Variants in SGTA observed in about 807,000 individuals in gnomAD.
SGTA encodes small glutamine rich tetratricopeptide repeat co-chaperone alpha, also known as small glutamine-rich tetratricopeptide repeat-containing protein alpha.
In SGTA, 22 loss-of-function variants were observed where a neutral mutation model predicts 44.3. The ratio of observed to expected loss-of-function variants is 0.50; its 90% CI spans 0.36 to 0.71. The LOEUF (loss-of-function observed/expected upper bound fraction) is 0.71, where lower values mean the gene tolerates loss of function less well. Ranked by LOEUF, SGTA falls within the 30% of genes least tolerant of loss-of-function variation. The probability of loss-of-function intolerance (pLI) is 0.00; values close to 1 mark genes in which losing one functional copy is unlikely to be tolerated. For synonymous variants in SGTA, 174 were observed against 177.6 expected (o/e 0.98, Z 0.16); for missense variants, 341 against 435.9 (o/e 0.78, Z 1.94).
chr19:2,767,329 C>T lies in SGTA; in HGVS notation c.208-109G>A, dbSNP rs1032067178. 10 of 884,480 alleles carry T rather than the reference C, an allele frequency of 1.1e-5. No individual in the cohort carries two copies. The highest frequency in any genetic ancestry group is 1.6e-5 in the South Asian group (1 of 63,178). 54.8% of individuals were successfully genotyped at this position (884,480 alleles called of 1,614,324 possible). A position where few individuals can be genotyped will look rare whatever the true frequency, so the allele number is the denominator to read the frequency against. ...GAGGGCCACCAAGTTCCGAAGGACC[C>T]GGGGGCTCTGCAGGGGACTCCTGGC... On this transcript the variant is annotated intron_variant, in intron 3 of 11. Coordinates refer to ENST00000221566, the MANE Select transcript of SGTA (RefSeq NM_003021.4). The surrounding 1 kb of genome is among the most constrained non-coding windows in gnomAD (Gnocchi z 7.3).
At chr19:2,772,831 G>A (rs1219247767) in intron 1 of SGTA, among the ~76,000 whole-genome samples, 2 of 136,012 alleles carry the variant, frequency 1.5e-5, no homozygotes, top group Non-Finnish European at 1.5e-5. Flanking sequence ...ACAGGGCAGG[G>A]ACACCGAGGG....
intron 1 of SGTA, among the ~76,000 whole-genome samples, chr19:2,774,974 G>A (rs894597592): frequency 6.6e-6 from 1 of 152,208 alleles, no homozygotes; most frequent in African/African-American, 2.4e-5. Context: ...GGGGAGGCCA[G>A]GGACGCTGCT....
chr19:2,758,774 C>T (rs1278679614), intron 9 of SGTA, among the ~76,000 whole-genome samples: 1 of 152,114 alleles, frequency 6.6e-6, no homozygotes, highest in Non-Finnish European at 1.5e-5. Context: ...CAGCGTGGTC[C>T]CTCCACACTG....
intron 4 of SGTA, among the ~76,000 whole-genome samples, chr19:2,766,327 C>A (rs1915142293): frequency 6.6e-6 from 1 of 152,216 alleles, no homozygotes; most frequent in African/African-American, 2.4e-5. Context: ...TGGGTCAGAG[C>A]CTCACCCATC....
chr19:2,778,657 C>A (rs1227233449), intron 1 of SGTA, among the ~76,000 whole-genome samples: 2 of 152,116 alleles, frequency 1.3e-5, no homozygotes, highest in Non-Finnish European at 2.9e-5. Context: ...ACTCTGTGTC[C>A]CATGATCATT....
chr19:2,758,868 G>C (rs1205264463), intron 9 of SGTA, among the ~76,000 whole-genome samples: 7 of 152,198 alleles, frequency 4.6e-5, no homozygotes. Flanking sequence ...CGCTCAGTGA[G>C]AGACGCCAGA....
In SGTA at chr19:2,761,417, G is replaced by A. The variant is rs749101316; in HGVS notation, c.699+43C>T. On this transcript the variant is annotated intron_variant, in intron 8 of 11. Coordinates refer to ENST00000221566, the MANE Select transcript of SGTA (RefSeq NM_003021.4). This position sits in a 1 kb window ranked among gnomAD's most constrained non-coding sequence, Gnocchi z 5.7. ...GACACAGCAGATGCGGGCCTGGGGG[G>A]TGGCGCAGACACCATGGACAGGGAG... The A allele has an allele frequency of 4.0e-6, 6 of 1,504,472 alleles. No individual in the cohort carries two copies. Among genetic ancestry groups the A allele is most frequent in the South Asian group, 3.6e-5 (3 of 83,066 alleles). The allele number at this position is 1,504,472 out of a possible 1,614,324, so 93.2% of individuals were successfully genotyped here. A position where few individuals can be genotyped will look rare whatever the true frequency, so the allele number is the denominator to read the frequency against.
Position 2,761,055 on chromosome 19 carries a change from T to C in SGTA, c.699+405A>G, listed in dbSNP as rs1301949166. On this transcript the variant is annotated intron_variant, in intron 8 of 11. Coordinates refer to ENST00000221566, the MANE Select transcript of SGTA (RefSeq NM_003021.4). The surrounding 1 kb of genome is among the most constrained non-coding windows in gnomAD (Gnocchi z 5.7). ...CGGCGCACCCGGCGCTCTGCTTCCC[T>C]TGCCTGAACCTTAGGAGGCAGACGC... is the stretch of plus-strand genomic sequence containing the variant. Among the ~76,000 whole-genome samples, 7 of 152,208 alleles carry C rather than the reference T, an allele frequency of 4.6e-5. No individual in the cohort carries two copies. The highest frequency in any genetic ancestry group is 1.0e-4 in the Non-Finnish European group (7 of 68,026).
chr19:2,765,344 GGA>G lies in SGTA; in HGVS notation c.293-61_293-60del, dbSNP rs1370553099. Reference sequence around the variant, plus strand: ...CCACACAGACCGGAGGGGGTGTCAGGGAGAGAGGAAAACACCGGCCTGGTGTC... The same window carrying G: ...CCACACAGACCGGAGGGGGTGTCAGGGAGAGGAAAACACCGGCCTGGTGTC... On this transcript the variant is annotated intron_variant, in intron 4 of 11. Coordinates refer to ENST00000221566, the MANE Select transcript of SGTA (RefSeq NM_003021.4). The surrounding 1 kb of genome is among the most constrained non-coding windows in gnomAD (Gnocchi z 5.5). 1.5e-6 allele frequency: 2 copies of G among 1,322,408 alleles called. No individual in the cohort carries two copies. Among genetic ancestry groups the G allele is most frequent in the Admixed American group, 1.9e-5 (1 of 53,894 alleles). 81.9% of individuals were successfully genotyped at this position (1,322,408 alleles called of 1,614,324 possible). A position where few individuals can be genotyped will look rare whatever the true frequency, so the allele number is the denominator to read the frequency against.
At chr19:2,764,172 T>C (rs2144725948) in intron 5 of SGTA, among the ~76,000 whole-genome samples, 1 of 152,312 alleles carries the variant, frequency 6.6e-6, no homozygotes, top group African/African-American at 2.4e-5. Flanking sequence ...TCGTGTTTAG[T>C]GTTTCTCTTT....
At chr19:2,775,267 C>A (rs1362507036) in intron 1 of SGTA, among the ~76,000 whole-genome samples, 2 of 152,254 alleles carry the variant, frequency 1.3e-5, no homozygotes, top group Non-Finnish European at 2.9e-5. Context: ...CAGAGGCGTT[C>A]AGTGTCTTGG....
At chr19:2,777,124 G>A (rs1368118683) in intron 1 of SGTA, among the ~76,000 whole-genome samples, 4 of 150,802 alleles carry the variant, frequency 2.7e-5, no homozygotes, top group Middle Eastern at 3.4e-3. Context: ...AGTGGTGCGC[G>A]CCTGTAATCC....
Position 2,759,113 on chromosome 19 carries a change from G to C in SGTA, c.737+144C>G. 4 of 692,384 alleles carry C rather than the reference G, an allele frequency of 5.8e-6. No individual in the cohort carries two copies. In the South Asian group the frequency reaches 5.8e-5, roughly 10 times the overall value. The allele number at this position is 692,384 out of a possible 1,614,324, so 42.9% of individuals were successfully genotyped here. Reference sequence around the variant, plus strand: ...ACAGTTGCATGACAGTGTGATAGTGGTGACAGTTGCATGACAGTGTGAAAG... The same window carrying C: ...ACAGTTGCATGACAGTGTGATAGTGCTGACAGTTGCATGACAGTGTGAAAG... On this transcript the variant is annotated intron_variant, in intron 9 of 11. Coordinates refer to ENST00000221566, the MANE Select transcript of SGTA (RefSeq NM_003021.4).
chr19:2,759,370 T>G lies in SGTA; in HGVS notation c.700-76A>C, dbSNP rs1733893408. Reference sequence around the variant, plus strand: ...TCTCTTTCATCAGACACTTTCCATCTTAACCAGCCTTGGTTCTGGACTCCA... The same window carrying G: ...TCTCTTTCATCAGACACTTTCCATCGTAACCAGCCTTGGTTCTGGACTCCA... On this transcript the variant is annotated intron_variant, in intron 8 of 11. Transcript: ENST00000221566. 2.8e-6 allele frequency: 4 copies of G among 1,408,302 alleles called. No homozygotes were observed. In the Admixed American group the frequency reaches 6.8e-5, roughly 24 times the overall value. The allele number at this position is 1,408,302 out of a possible 1,614,324, so 87.2% of individuals were successfully genotyped here.
At chr19:2,768,563 G>A (rs1217370735) in intron 2 of SGTA, among the ~76,000 whole-genome samples, 2 of 152,232 alleles carry the variant, frequency 1.3e-5, no homozygotes, top group Non-Finnish European at 2.9e-5. Context: ...GAGCGGACAG[G>A]CCATGCAGGA....
At chr19:2,766,093 G>A (rs1208033430) in intron 4 of SGTA, among the ~76,000 whole-genome samples, 3 of 152,166 alleles carry the variant, frequency 2.0e-5, no homozygotes, top group Non-Finnish European at 4.4e-5. Flanking sequence ...GTAGGCTTCT[G>A]TAGTCCCAGC....
chr19:2,761,661 G>A lies in SGTA; in HGVS notation c.637-139C>T, dbSNP rs1319736799. 1 of 721,354 alleles carries A rather than the reference G, an allele frequency of 1.4e-6. No individual in the cohort carries two copies. The highest frequency in any genetic ancestry group is 1.8e-5 in the African/African-American group (1 of 56,966). 44.7% of individuals were successfully genotyped at this position (721,354 alleles called of 1,614,324 possible). Reference sequence around the variant, plus strand: ...TGCGGCCAGAGGGTGCTTTGAGGCAGGCAGCACGAAGCACATCGCAACCGC... The same window carrying A: ...TGCGGCCAGAGGGTGCTTTGAGGCAAGCAGCACGAAGCACATCGCAACCGC... On this transcript the variant is annotated intron_variant, in intron 7 of 11. Coordinates refer to ENST00000221566, the MANE Select transcript of SGTA (RefSeq NM_003021.4). This position sits in a 1 kb window ranked among gnomAD's most constrained non-coding sequence, Gnocchi z 5.7.
At position 2,774,523 on chromosome 19, in the gene SGTA, G is replaced by A. The variant is rs776069980; in HGVS notation, c.-23-5432C>T. On this transcript the variant is annotated intron_variant, in intron 1 of 11. Transcript: ENST00000221566. ...TAAGTGCACAGATGTCTAATGGCCC[G>A]AGACACGTAGGTTAACACCCGTGCA... Among the ~76,000 whole-genome samples the A allele has an allele frequency of 5.9e-5, 9 of 152,210 alleles. No individual in the cohort carries two copies. The South Asian group carries it at 1.2e-3, about 21-fold the overall frequency.
intron 1 of SGTA, among the ~76,000 whole-genome samples, chr19:2,774,452 A>G (rs562211199): frequency 1.6e-3 from 240 of 152,304 alleles, no homozygotes; most frequent in Non-Finnish European, 2.6e-3. Context: ...CTTTTATAAG[A>G]AAACGACACT....
Sources: gnomAD v4.1 joint callset for allele counts (sites outside exome capture counted in the v4.1 genomes callset) on GRCh38, gnomAD v4.1.1 for gene constraint, Gnocchi (gnomAD v3.1) non-coding constraint, MANE v1.5 for transcripts, NCBI Gene and HGNC (gene_info 2026-07-23, HGNC 2026-07-21) for gene names.